The following TMC2 variants were observed in gnomAD, a reference collection of about 807,000 sequenced individuals.
TMC2 encodes the protein transmembrane channel-like protein 2.
In TMC2, 102 loss-of-function variants were observed where a neutral mutation model predicts 105.9. The observed-to-expected ratio is 0.96, with a 90% CI of 0.82 to 1.14. The LOEUF (loss-of-function observed/expected upper bound fraction) is 1.14, where lower values mean the gene tolerates loss of function less well. Ranked by LOEUF, TMC2 falls within the 50% of genes most tolerant of loss-of-function variation. The pLI, the probability that TMC2 is intolerant of heterozygous loss-of-function variation, is 0.00. For synonymous variants in TMC2, 402 were observed against 422.8 expected, an observed-to-expected ratio of 0.95 and a Z score of 0.60; for missense variants, 1,093 against 1,134.3, an observed-to-expected ratio of 0.96 and a Z score of 0.52.
At chr20:2,629,579 C>T (rs1006556971) in intron 17 of TMC2, among the ~76,000 whole-genome samples, 1 of 146,396 alleles carries the variant, frequency 6.8e-6, no homozygotes, top group African/African-American at 2.5e-5. Flanking sequence ...GAATTTAGGG[C>T]CATTACTAGC....
In TMC2 at chr20:2,589,270, CTGTGTGTGTGTGTGTGTGTGTG is replaced by C. The variant is rs750496572; in HGVS notation, c.835-3007_835-2986del. Among the ~76,000 whole-genome samples the C allele has an allele frequency of 6.0e-5, 7 of 116,348 alleles. No homozygotes were observed. The East Asian group carries it at 1.2e-3, about 20-fold the overall frequency. 76.3% of individuals were successfully genotyped at this position (116,348 alleles called of 152,430 possible). On this transcript the variant is annotated intron_variant, in intron 7 of 19. Coordinates refer to ENST00000358864, the MANE Select transcript of TMC2 (RefSeq NM_080751.3). ...TTTTCCAGATATCTTCCTATTTGCC[CTGTGTGTGTGTGTGTGTGTGTG>C]TGTGTGTGTGTGTGTGTGTGTGTGT...
Position 2,541,132 on chromosome 20 carries a change from A to G in TMC2, c.82+3816A>G, listed in dbSNP as rs564012775. ...TCTTGCAAACTCCTGTTCATCCTTC[A>G]AGATTCAGAGTAGCCCCTAAGTATG... On this transcript the variant is annotated intron_variant, in intron 2 of 19. Coordinates refer to ENST00000358864, the MANE Select transcript of TMC2 (RefSeq NM_080751.3). Among the ~76,000 whole-genome samples the G allele has an allele frequency of 3.7e-4, 57 of 152,278 alleles. No homozygotes were observed. The East Asian group carries it at 8.5e-3, about 23-fold the overall frequency.
At chr20:2,584,312 C>T (rs1313204706) in intron 7 of TMC2, among the ~76,000 whole-genome samples, 7 of 144,410 alleles carry the variant, frequency 4.8e-5, no homozygotes, top group African/African-American at 1.4e-4. Flanking sequence ...GGCGTAGTGG[C>T]GGGTGCCTGT....
chr20:2,571,173 T>C (rs1352482416), intron 4 of TMC2, among the ~76,000 whole-genome samples: 1 of 152,156 alleles, frequency 6.6e-6, no homozygotes, highest in African/African-American at 2.4e-5. Context: ...ACTACAAAGC[T>C]GCTGCACAAC....
At chr20:2,589,324 G>GTGTGTGTGTGTGTGTGTGT (rs71193978) in intron 7 of TMC2, among the ~76,000 whole-genome samples, 80 of 148,914 alleles carry the variant, frequency 5.4e-4, no homozygotes, top group South Asian at 1.1e-3. Context: ...GTGTGTGTGT[G>GTGTGTGTGTGTGTGTGTGT]GAGATGGGGT....
rs751252555 is a variant in TMC2, at chr20:2,561,949, A to C, written c.493A>C (p.Lys165Gln). The part of the protein sequence containing the change: ...QILEQVEEKK[K>Q]LIATMRSKPW... ...CCTGGAGCAGGTGGAAGAAAAAAAG[A>C]AGCTCATTGCCACCATGCGGAGCAA... The change falls in exon 4 of 20, where the codon AAG becomes CAG. Residue 165 changes from lysine to glutamine, a missense_variant. Lys to Gln is a moderately conservative substitution (Grantham distance 53). Transcript: ENST00000358864. 24 of 1,614,118 alleles carry C rather than the reference A, an allele frequency of 1.5e-5. No individual in the cohort carries two copies. The highest frequency in any genetic ancestry group is 1.9e-5 in the Non-Finnish European group (23 of 1,180,042).
chr20:2,540,664 A>T (rs928815737), intron 2 of TMC2, among the ~76,000 whole-genome samples: 1 of 151,544 alleles, frequency 6.6e-6, no homozygotes, highest in Non-Finnish European at 1.5e-5. Flanking sequence ...CTCAAAAAAA[A>T]AAAAAAAAAG....
At chr20:2,545,681 GA>G (rs2085917894) in intron 2 of TMC2, among the ~76,000 whole-genome samples, 1 of 65,760 alleles carries the variant, frequency 1.5e-5, no homozygotes, top group Non-Finnish European at 4.5e-5. Flanking sequence ...AGAAGAAGAA[GA>G]AGAAAGAAGA....
intron 7 of TMC2, among the ~76,000 whole-genome samples, chr20:2,588,360 A>T (rs1196930158): frequency 2.6e-5 from 4 of 152,082 alleles, no homozygotes; most frequent in Admixed American, 2.6e-4. Context: ...CCCAGATGAG[A>T]CCCTTAGCCC....
Position 2,612,252 on chromosome 20 carries a change from C to G in TMC2, c.1655C>G (p.Ser552Cys). 6.2e-7 allele frequency: 1 copy of G among 1,612,766 alleles called. No individual in the cohort carries two copies. The highest frequency in any genetic ancestry group is 8.5e-7 in the Non-Finnish European group (1 of 1,179,310). Reference sequence around the variant, plus strand: ...TGGACTCTGTTTAACTATTACAACTCTTCTGGTTGGAACGAGAGTGTCCCC... The same window carrying G: ...TGGACTCTGTTTAACTATTACAACTGTTCTGGTTGGAACGAGAGTGTCCCC... The part of the protein sequence containing the change: ...THWTLFNYYN[S>C]SGWNESVPRP... The change falls in exon 13 of 20, where the codon TCT (serine) becomes TGT (cysteine). Residue 552 changes from serine to cysteine, a missense_variant. Coordinates refer to ENST00000358864, the MANE Select transcript of TMC2 (RefSeq NM_080751.3).
intron 19 of TMC2, among the ~76,000 whole-genome samples, chr20:2,640,212 C>A (rs2086679049): frequency 6.6e-6 from 1 of 152,130 alleles, no homozygotes; most frequent in Admixed American, 6.5e-5. Context: ...AAACTCCTGA[C>A]CTCAAATGAT....
rs189789137 is a variant in TMC2 at position 2,635,606 on chromosome 20, A to C, written c.2307-320A>C. On this transcript the variant is annotated intron_variant, in intron 17 of 19. Transcript: ENST00000358864. ...ACAGGGCAGGTGCCCAGGAAACGTG[A>C]CCAGCTTCTTCTGCAGTCAGTAAAC... Among the ~76,000 whole-genome samples the C allele has an allele frequency of 5.8e-3, 884 of 152,276 alleles. 14 individuals carry two copies. The highest frequency in any genetic ancestry group is 0.02 in the African/African-American group (849 of 41,552).
intron 7 of TMC2, among the ~76,000 whole-genome samples, chr20:2,587,537 T>TA (rs950783467): frequency 2.0e-5 from 3 of 151,658 alleles, no homozygotes; most frequent in Non-Finnish European, 4.4e-5. Context: ...AATGTTTTTT[T>TA]TTATTATTCT....
At chr20:2,580,300 A>G (rs1016593156) in intron 7 of TMC2, among the ~76,000 whole-genome samples, 1 of 152,206 alleles carries the variant, frequency 6.6e-6, no homozygotes, top group Non-Finnish European at 1.5e-5. Context: ...AAAAACTACA[A>G]TTACTTTTGC....
intron 16 of TMC2, among the ~76,000 whole-genome samples, chr20:2,621,068 TAAG>T (rs1378252018): frequency 6.6e-6 from 1 of 152,060 alleles, no homozygotes; most frequent in Admixed American, 6.6e-5. Flanking sequence ...AGTGTTCTTA[TAAG>T]AAGGAGGGAG....
intron 2 of TMC2, among the ~76,000 whole-genome samples, chr20:2,552,519 T>G (rs935333692): frequency 4.6e-5 from 7 of 152,108 alleles, no homozygotes; most frequent in African/African-American, 1.7e-4. Flanking sequence ...TAAGTTTCAT[T>G]TATTTGTTTG....
rs559580577 is a variant in TMC2 at position 2,553,051 on chromosome 20, A to G, written c.83-5405A>G. ...ACAATTATACTATCTGTGAACAAAG[A>G]CAGTTTTATTTTTTTGTTCCCATTT... On this transcript the variant is annotated intron_variant, in intron 2 of 19. Transcript: ENST00000358864. 3.0e-4 allele frequency among the ~76,000 whole-genome samples: 46 copies of G among 152,224 alleles called. No homozygotes were observed. The South Asian group carries it at 4.4e-3, about 14-fold the overall frequency.
chr20:2,538,689 GA>G (rs1395914509), intron 2 of TMC2, among the ~76,000 whole-genome samples: 2 of 152,194 alleles, frequency 1.3e-5, no homozygotes, highest in Non-Finnish European at 2.9e-5. Context: ...CTTTCCTACT[GA>G]AATATTCCAC....
intron 7 of TMC2, among the ~76,000 whole-genome samples, chr20:2,585,576 A>C (rs1403219910): frequency 6.6e-6 from 1 of 152,184 alleles, no homozygotes; most frequent in African/African-American, 2.4e-5. Context: ...GCTGAACTGA[A>C]GAAGATCCGC....
Sources: gnomAD v4.1 joint callset for allele counts (sites outside exome capture counted in the v4.1 genomes callset) on GRCh38, gnomAD v4.1.1 for gene constraint, MANE v1.5 for transcripts, NCBI Gene and HGNC (gene_info 2026-07-23, HGNC 2026-07-21) for gene names.